SLC9D1: variants seen among roughly 807,000 people sequenced by gnomAD.
SLC9D1 encodes the protein solute carrier family 9 member D1, also known as putative LAG1-interacting protein.
At chr13:113,544,566 A>G in the SLC9D1 span, among the ~76,000 whole-genome samples, 3 of 152,224 alleles carry the variant, frequency 2.0e-5, no homozygotes, top group Admixed American at 6.5e-5. Flanking sequence ...TGGGCTACTT[A>G]TTAGCTCGGG....
the SLC9D1 span, among the ~76,000 whole-genome samples, chr13:113,540,272 G>A: frequency 6.6e-6 from 1 of 152,132 alleles, no homozygotes; most frequent in African/African-American, 2.4e-5. Flanking sequence ...GGGATTGCTG[G>A]GTCGAATGGT....
At chr13:113,537,666 C>T in the SLC9D1 span, among the ~76,000 whole-genome samples, 2 of 152,146 alleles carry the variant, frequency 1.3e-5, no homozygotes, top group Non-Finnish European at 2.9e-5. Flanking sequence ...GTGAAAGATC[C>T]GCCTGCCCCT....
At chr13:113,542,370 C>T in the SLC9D1 span, among the ~76,000 whole-genome samples, 7 of 145,884 alleles carry the variant, frequency 4.8e-5, no homozygotes, top group South Asian at 2.4e-4. Flanking sequence ...GATACGCACA[C>T]GGTCGCTGAT....
the SLC9D1 span, chr13:113,549,553 T>G: frequency 6.2e-7 from 1 of 1,613,886 alleles, no homozygotes; most frequent in South Asian, 1.1e-5. Context: ...TCGGAGATGA[T>G]GGACCGTGGA....
At chr13:113,515,008 G>A in the SLC9D1 span, among the ~76,000 whole-genome samples, 3 of 152,190 alleles carry the variant, frequency 2.0e-5, no homozygotes, top group East Asian at 1.9e-4. Context: ...ATGAGCCACC[G>A]CACCTGGCCC....
At chr13:113,538,896 G>T in the SLC9D1 span, among the ~76,000 whole-genome samples, 33 of 152,310 alleles carry the variant, frequency 2.2e-4, no homozygotes, top group African/African-American at 7.2e-4. Flanking sequence ...CAGATCAGCC[G>T]CCGTGGACAC....
the SLC9D1 span, among the ~76,000 whole-genome samples, chr13:113,521,369 G>T: frequency 6.7e-6 from 1 of 148,560 alleles, no homozygotes; most frequent in Admixed American, 6.7e-5. Context: ...TGCATGTGTG[G>T]TGTGTGTGTG....
At chr13:113,512,514 CGGAGAGGGTTGGAGAGTAGAT>C in the SLC9D1 span, among the ~76,000 whole-genome samples, 1 of 140,704 alleles carries the variant, frequency 7.1e-6, no homozygotes, top group East Asian at 2.3e-4. Context: ...GGAGTGTAGA[CGGAGAGGGTTGGAGAGTAGAT>C]GGAGAGGGTC....
At chr13:113,543,115 A>ACCTGCTCCCCCTGCCCCCC in the SLC9D1 span, among the ~76,000 whole-genome samples, 2 of 41,526 alleles carry the variant, frequency 4.8e-5, no homozygotes, top group African/African-American at 2.4e-4. Context: ...CCCTGCCCCC[A>ACCTGCTCCCCCTGCCCCCC]GCCCTCCCTG....
chr13:113,538,836 GTGTCGCGGCCGTC>G, the SLC9D1 span, among the ~76,000 whole-genome samples: 20 of 152,364 alleles, frequency 1.3e-4, no homozygotes, highest in Middle Eastern at 3.4e-3. Context: ...TGAGGCTCCC[GTGTCGCGGCCGTC>G]CGGCCGGCGC....
At chr13:113,534,049 G>A in the SLC9D1 span, 1 of 1,601,286 alleles carries the variant, frequency 6.2e-7, no homozygotes, top group Non-Finnish European at 8.5e-7. Flanking sequence ...TCCCAGCATT[G>A]TCGTGGAAGT....
the SLC9D1 span, chr13:113,520,600 G>A: frequency 1.3e-6 from 2 of 1,596,914 alleles, no homozygotes; most frequent in African/African-American, 2.7e-5. Flanking sequence ...TGTCTTCAAT[G>A]CCTTTCCCCC....
the SLC9D1 span, among the ~76,000 whole-genome samples, chr13:113,516,250 A>G: frequency 6.6e-6 from 1 of 152,130 alleles, no homozygotes; most frequent in Non-Finnish European, 1.5e-5. Flanking sequence ...ACTTTTGCAT[A>G]TGCTTGAAAT....
chr13:113,549,351 C>T, the SLC9D1 span: 1 of 1,534,730 alleles, frequency 6.5e-7, no homozygotes, highest in Middle Eastern at 2.3e-4. Flanking sequence ...TCAGTGAGAC[C>T]AGCCCTGTGC....
chr13:113,542,711 A>G, the SLC9D1 span, among the ~76,000 whole-genome samples: 3 of 152,296 alleles, frequency 2.0e-5, no homozygotes, highest in East Asian at 1.9e-4. Flanking sequence ...GTGTCGGGCC[A>G]CATCCCTGGC....
chr13:113,548,782 C>A, the SLC9D1 span, among the ~76,000 whole-genome samples: 1 of 152,160 alleles, frequency 6.6e-6, no homozygotes, highest in Non-Finnish European at 1.5e-5. Flanking sequence ...CGTGAAATAC[C>A]CGTAATGGCA....
At chr13:113,545,438 C>A in the SLC9D1 span, among the ~76,000 whole-genome samples, 1 of 152,208 alleles carries the variant, frequency 6.6e-6, no homozygotes, top group African/African-American at 2.4e-5. Flanking sequence ...GAATAAATGA[C>A]CCTGCATAGA....
the SLC9D1 span, among the ~76,000 whole-genome samples, chr13:113,520,037 G>A: frequency 6.6e-6 from 1 of 152,314 alleles, no homozygotes; most frequent in East Asian, 1.9e-4. Flanking sequence ...CATCTTGTTT[G>A]CCATGTCACC....
At chr13:113,501,079 C>T in the SLC9D1 span, among the ~76,000 whole-genome samples, 787 of 152,296 alleles carry the variant, frequency 5.2e-3, 5 homozygotes, top group Non-Finnish European at 9.1e-3. Context: ...TGCCTGCACC[C>T]GTCATGGCAA....
Sources: gnomAD v4.1 joint callset for allele counts (sites outside exome capture counted in the v4.1 genomes callset) on GRCh38, gnomAD v4.1.1 for gene constraint, MANE v1.5 for transcripts, NCBI Gene and HGNC (gene_info 2026-07-23, HGNC 2026-07-21) for gene names.